Variants in LRPPRC observed in about 807,000 individuals in gnomAD.
LRPPRC encodes the protein leucine-rich PPR motif-containing protein, mitochondrial.
Under a neutral mutation model 180.3 loss-of-function variants are expected in LRPPRC, and 120 were observed. That is an observed-to-expected ratio of 0.67 (90% CI 0.57 to 0.77). The LOEUF is 0.77. Among genes scored for constraint, LRPPRC ranks in the 30% least tolerant of loss-of-function variants. LRPPRC has a pLI of 0.00. For missense variants in LRPPRC, 2,012 were observed against 1,657.2 expected (o/e 1.21, Z -3.72); for synonymous variants, 723 against 600.0 (o/e 1.21, Z -3.00).
intron 25 of LRPPRC, among the ~76,000 whole-genome samples, chr2:43,930,803 A>G (rs1163375138): frequency 6.6e-6 from 1 of 152,176 alleles, no homozygotes; most frequent in Non-Finnish European, 1.5e-5. Flanking sequence ...AGCCAGAACT[A>G]AAACTCAGGG....
At chr2:43,919,494 G>C (rs982780909) in intron 27 of LRPPRC, among the ~76,000 whole-genome samples, 1 of 152,152 alleles carries the variant, frequency 6.6e-6, no homozygotes, top group Non-Finnish European at 1.5e-5. Flanking sequence ...AATCTTCTTA[G>C]ATTTCTTATC....
In LRPPRC at chr2:43,918,330, G is replaced by A. The variant is rs199706677; in HGVS notation, c.2965C>T (p.Arg989Cys). Residue 989 changes from arginine (R) to cysteine (C), a missense_variant, in exon 28 of 38, where the codon CGT becomes TGT. Transcript: ENST00000260665. ...GCTAATAATCTTAATGTCTTTTCAC[G>A]AGGAATAACATTTTCTTCTTGGATT... ...NKIQEENVIP[R>C]EKTLRLLAEI... The A allele has an allele frequency of 1.5e-4, 239 of 1,608,972 alleles. No homozygotes were observed. In the East Asian group the frequency reaches 3.7e-3, roughly 25 times the overall value.
chr2:43,993,014 AG>A (rs1386547612), intron 1 of LRPPRC, among the ~76,000 whole-genome samples: 9 of 152,198 alleles, frequency 5.9e-5, no homozygotes, highest in Non-Finnish European at 1.2e-4. Context: ...AGCATTTAAT[AG>A]GTGAACAGAA....
intron 3 of LRPPRC, among the ~76,000 whole-genome samples, chr2:43,977,509 T>C (rs1674112970): frequency 6.6e-6 from 1 of 152,272 alleles, no homozygotes; most frequent in Admixed American, 6.5e-5. Context: ...TATTCGGATA[T>C]TAAAAGGCCT....
intron 35 of LRPPRC, among the ~76,000 whole-genome samples, chr2:43,894,915 C>T (rs1391529278): frequency 6.6e-6 from 1 of 152,108 alleles, no homozygotes; most frequent in East Asian, 1.9e-4. Context: ...CAAGTGGTGA[C>T]CATACCAAGA....
chr2:43,899,987 T>C (rs1351930113), intron 32 of LRPPRC, among the ~76,000 whole-genome samples: 2 of 152,226 alleles, frequency 1.3e-5, no homozygotes, highest in African/African-American at 2.4e-5. Context: ...AAATGAAAAC[T>C]TGTATAAATG....
intron 20 of LRPPRC, 98 bp from the exon 21 acceptor site, chr2:43,946,341 G>T: frequency 1.1e-6 from 1 of 884,278 alleles, no homozygotes; most frequent in Non-Finnish European, 1.9e-6. Flanking sequence ...AAAGTTAATA[G>T]TACTTTAAAA....
Position 43,963,656 on chromosome 2 carries a change from G to C in LRPPRC, c.1420C>G (p.Gln474Glu), listed in dbSNP as rs1458702824. 6 of 1,611,860 alleles carry C rather than the reference G, an allele frequency of 3.7e-6. No homozygotes were observed. The East Asian group carries it at 8.9e-5, about 24-fold the overall frequency. The change falls in exon 12 of 38, where the codon CAG becomes GAG. Residue 474 changes from glutamine to glutamate, a missense_variant. Coordinates refer to ENST00000260665, the MANE Select transcript of LRPPRC (RefSeq NM_133259.4). The stretch of plus-strand genomic sequence containing the variant: ...ATCACATAATCTGTATATGTTTCCT[G>C]ATCAGGATGTACTCCCAATTCTTGC... ...GMQELGVHPD[Q>E]ETYTDYVIPC...
intron 27 of LRPPRC, among the ~76,000 whole-genome samples, chr2:43,922,583 A>C (rs6544720): frequency 0.62 from 93,898 of 151,896 alleles, 31,403 homozygotes; most frequent in East Asian, 0.98. Flanking sequence ...CACAGTGAAA[A>C]CCTGTCTCTA....
Position 43,975,281 on chromosome 2 carries a change from T to A in LRPPRC, c.738-64A>T, listed in dbSNP as rs181358538. On this transcript the variant is annotated intron_variant, in intron 6 of 37. Coordinates refer to ENST00000260665, the MANE Select transcript of LRPPRC (RefSeq NM_133259.4). ...CCAAATTTAATATAGTTATTCAAAC[T>A]AAAACATATGCTTATTAAAATAAAA... is the stretch of plus-strand genomic sequence containing the variant. The A allele has an allele frequency of 5.6e-3, 7,686 of 1,377,950 alleles. 45 individuals carry two copies. The highest frequency in any genetic ancestry group is 6.7e-3 in the Non-Finnish European group (6,572 of 982,186). 85.4% of individuals were successfully genotyped at this position (1,377,950 alleles called of 1,614,324 possible).
At chr2:43,929,490 T>C (rs932887785) in intron 25 of LRPPRC, among the ~76,000 whole-genome samples, 1 of 152,208 alleles carries the variant, frequency 6.6e-6, no homozygotes, top group East Asian at 1.9e-4. Flanking sequence ...TCTGCCTATA[T>C]TTTAAGCATT....
Position 43,948,462 on chromosome 2 carries a change from G to C in LRPPRC, c.1792C>G (p.Gln598Glu), listed in dbSNP as rs786205523. ...TGTCTCAAATGCTCCTCCTTGGCCT[G>C]TACCTCTGAGTCACTCATGCTGTCA... ...LIDSMSDSEV[Q>E]AKEEHLRQYF... Residue 598 changes from glutamine to glutamate, a missense_variant, in exon 17 of 38, where the codon CAG becomes GAG. Coordinates refer to ENST00000260665, the MANE Select transcript of LRPPRC (RefSeq NM_133259.4). 1 of 1,612,894 alleles carries C rather than the reference G, an allele frequency of 6.2e-7. No homozygotes were observed. Among genetic ancestry groups the C allele is most frequent in the Non-Finnish European group, 8.5e-7 (1 of 1,179,048 alleles).
At position 43,925,117 on chromosome 2, in the gene LRPPRC, A is replaced by G. The variant is rs1671830168; in HGVS notation, c.2846T>C (p.Leu949Pro). Residue 949 changes from leucine (L) to proline (P), a missense_variant, in exon 27 of 38, where the codon CTA becomes CCA. Leu to Pro is a moderately conservative substitution (Grantham distance 98, BLOSUM62 -3). Coordinates refer to ENST00000260665, the MANE Select transcript of LRPPRC (RefSeq NM_133259.4). The part of the protein sequence containing the change: ...LEKLVELTQK[L>P]FECDRDQMYY... The stretch of plus-strand genomic sequence containing the variant: ...CATCTGGTCTCTATCACATTCAAAT[A>G]GCTTCTGTGTCAGCTCCACTAATTT... The G allele has an allele frequency of 6.2e-7, 1 of 1,604,232 alleles. No homozygotes were observed. Among genetic ancestry groups the G allele is most frequent in the Non-Finnish European group, 8.5e-7 (1 of 1,171,066 alleles).
Position 43,948,202 on chromosome 2 carries a change from G to A in LRPPRC, c.1843-3C>T. The A allele has an allele frequency of 4.5e-6, 7 of 1,555,972 alleles. No individual in the cohort carries two copies. Among genetic ancestry groups the A allele is most frequent in the Non-Finnish European group, 6.2e-6 (7 of 1,127,230 alleles). ...ATATTTTCAGGAATTTTTACATTCT[G>A]TGAGAAGGGAAGGGAGGGGGGAAAA... On this transcript the variant is annotated splice_polypyrimidine_tract_variant and splice_region_variant and intron_variant, in intron 17 of 37. Transcript: ENST00000260665.
chr2:43,968,421 T>C (rs1673653015), intron 11 of LRPPRC, among the ~76,000 whole-genome samples: 1 of 152,236 alleles, frequency 6.6e-6, no homozygotes, highest in African/African-American at 2.4e-5. Context: ...TACATAGGCA[T>C]GGAAGAAATT....
intron 1 of LRPPRC, among the ~76,000 whole-genome samples, chr2:43,994,499 T>C (rs866028342): frequency 2.0e-5 from 3 of 152,296 alleles, no homozygotes; most frequent in Middle Eastern, 3.4e-3. Context: ...TACTCCCACC[T>C]TATAGCTAAG....
intron 3 of LRPPRC, 50 bp downstream of exon 3, chr2:43,979,776 G>A: frequency 6.3e-7 from 1 of 1,577,254 alleles, no homozygotes; most frequent in East Asian, 2.2e-5. Context: ...TTTGCAAAAA[G>A]AAAAAACATC....
rs998208376 is a variant in LRPPRC at position 43,949,664 on chromosome 2, T to C, written c.1678-5A>G. 1.2e-6 allele frequency: 2 copies of C among 1,610,850 alleles called. No homozygotes were observed. Among genetic ancestry groups the C allele is most frequent in the Non-Finnish European group, 1.7e-6 (2 of 1,177,212 alleles). ...CTTGTACAACAATTCTGTTATCTGG[T>C]AAGACAGAAAATTCGTGCATTGCAG... On this transcript the variant is annotated splice_polypyrimidine_tract_variant and splice_region_variant and intron_variant, in intron 15 of 37. Transcript: ENST00000260665.
At chr2:43,995,687 G>A (rs1470722207) in intron 1 of LRPPRC, 112 bp downstream of exon 1, 2 of 1,069,316 alleles carry the variant, frequency 1.9e-6, no homozygotes, top group Non-Finnish European at 2.5e-6. Context: ...GCTAGGTCCT[G>A]GGGCGGGGAG....
Sources: gnomAD v4.1 joint callset for allele counts (sites outside exome capture counted in the v4.1 genomes callset) on GRCh38, gnomAD v4.1.1 for gene constraint, MANE v1.5 for transcripts, NCBI Gene and HGNC (gene_info 2026-07-23, HGNC 2026-07-21) for gene names.